The following LIN54 variants were observed in gnomAD, a reference collection of about 807,000 sequenced individuals.
The protein encoded by LIN54 is protein lin-54 homolog.
In LIN54, 9 loss-of-function variants were observed where a neutral mutation model predicts 78.7. The observed-to-expected ratio is 0.11, with a 90% confidence interval of 0.07 to 0.20. The LOEUF (loss-of-function observed/expected upper bound fraction) is 0.20. Among genes scored for constraint, LIN54 ranks in the 10% least tolerant of loss-of-function variants. The pLI, the probability that LIN54 is intolerant of heterozygous loss-of-function variation, is 1.00. For missense variants in LIN54, 573 were observed against 889.9 expected (o/e 0.64, Z 4.53); for synonymous variants, 269 against 318.4 (o/e 0.84, Z 1.65).
chr4:82,996,397 C>T (rs1728221232), intron 1 of LIN54, among the ~76,000 whole-genome samples: 1 of 151,904 alleles, frequency 6.6e-6, no homozygotes, highest in Admixed American at 6.6e-5. Flanking sequence ...TTCCCCTATG[C>T]TTCCAATATT....
chr4:82,926,015 AGATT>A lies in LIN54; in HGVS notation c.*2083_*2086del, dbSNP rs1721440191. 6.6e-6 allele frequency: 1 copy of A among 152,640 alleles called. No individual in the cohort carries two copies. The allele number at this position is 152,640 out of a possible 1,614,324, so 9.5% of individuals were successfully genotyped here. On this transcript the variant is annotated 3_prime_UTR_variant, in exon 13 of 13. Coordinates refer to ENST00000340417, the MANE Select transcript of LIN54 (RefSeq NM_194282.4). ...AAAAGGCTTAATATTTTAGATAGAT[AGATT>A]TTTGAAAATCAGAAAAACTAGTAGC... is the stretch of plus-strand genomic sequence containing the variant.
At position 82,935,899 on chromosome 4, in the gene LIN54, C is replaced by A; in HGVS notation, c.1845+82G>T. On this transcript the variant is annotated intron_variant, in intron 11 of 12. Coordinates refer to ENST00000340417, the MANE Select transcript of LIN54 (RefSeq NM_194282.4). Reference sequence around the variant, plus strand: ...CAAATTGCAATAGCAAGGTGATTTCCCAATTTTCAAGTAAATTTTTGTAGT... The same window carrying A: ...CAAATTGCAATAGCAAGGTGATTTCACAATTTTCAAGTAAATTTTTGTAGT... 3 of 1,384,084 alleles carry A rather than the reference C, an allele frequency of 2.2e-6. No individual in the cohort carries two copies. The Middle Eastern group carries it at 5.4e-4, about 251-fold the overall frequency. 85.7% of individuals were successfully genotyped at this position (1,384,084 alleles called of 1,614,324 possible).
At chr4:82,934,779 G>A (rs754762948) in intron 11 of LIN54, among the ~76,000 whole-genome samples, 34 of 152,116 alleles carry the variant, frequency 2.2e-4, no homozygotes, top group Non-Finnish European at 4.3e-4. Flanking sequence ...TATGAGAAGA[G>A]CCAAGAAGAG....
chr4:82,929,328 A>T (rs927652284), intron 12 of LIN54, among the ~76,000 whole-genome samples: 8 of 152,126 alleles, frequency 5.3e-5, no homozygotes, highest in African/African-American at 1.9e-4. Flanking sequence ...TCCCAATTTT[A>T]AAAATTAATT....
At chr4:83,012,340 G>A (rs112267965), upstream of LIN54, among the ~76,000 whole-genome samples, 28 of 152,180 alleles carry the variant, frequency 1.8e-4, no homozygotes, top group African/African-American at 6.0e-4. Flanking sequence ...TGTACAAAGG[G>A]GCATAGGAAG....
upstream of LIN54, chr4:83,012,041 A>G: frequency 2.0e-6 from 2 of 985,392 alleles, no homozygotes; most frequent in Non-Finnish European, 2.4e-6. Flanking sequence ...GCAACTCCAT[A>G]TAAAAGTCGG....
At chr4:82,959,498 A>AAAAAACAAAAAC (rs1400843630) in intron 4 of LIN54, among the ~76,000 whole-genome samples, 1 of 152,202 alleles carries the variant, frequency 6.6e-6, no homozygotes, top group Middle Eastern at 3.2e-3. Context: ...CAATCTTGGA[A>AAAAAACAAAAAC]AAAAACAAAA....
rs1578464005 is a variant in LIN54 at position 82,924,689 on chromosome 4, C to G, written c.*3413G>C. The G allele has an allele frequency of 6.6e-6, 1 of 152,056 alleles. No homozygotes were observed. The highest frequency in any genetic ancestry group is 1.9e-4 in the East Asian group (1 of 5,178). 9.4% of individuals were successfully genotyped at this position (152,056 alleles called of 1,614,324 possible). A position where few individuals can be genotyped will look rare whatever the true frequency, so the allele number is the denominator to read the frequency against. ...CACATGGATTAAAAAAAAAAGCTCA[C>G]CTTTGGTATACAGATAATGACAAAA... On this transcript the variant is annotated 3_prime_UTR_variant, in exon 13 of 13. Coordinates refer to ENST00000340417, the MANE Select transcript of LIN54 (RefSeq NM_194282.4).
intron 4 of LIN54, among the ~76,000 whole-genome samples, chr4:82,947,229 A>ATTTTTTTTT (rs1263368630): frequency 2.9e-4 from 6 of 20,662 alleles, no homozygotes; most frequent in East Asian, 1.7e-3. Context: ...ATATATATAT[A>ATTTTTTTTT]TATATATTTT....
At chr4:82,982,540 T>C (rs1418603327) in intron 2 of LIN54, among the ~76,000 whole-genome samples, 2 of 152,206 alleles carry the variant, frequency 1.3e-5, no homozygotes, top group African/African-American at 4.8e-5. Context: ...CATCAGTTTC[T>C]TTTGAACATA....
Position 82,990,499 on chromosome 4 carries a change from T to C in LIN54, c.-32-5623A>G, listed in dbSNP as rs1411823840. ...GGTAACACAAATCTTTTTTTTTTTT[T>C]CTGAGACAGAGTCTCACTCGGTCGC... On this transcript the variant is annotated intron_variant, in intron 1 of 12. Coordinates refer to ENST00000340417, the MANE Select transcript of LIN54 (RefSeq NM_194282.4). 3.9e-5 allele frequency among the ~76,000 whole-genome samples: 6 copies of C among 152,146 alleles called. No homozygotes were observed. The East Asian group carries it at 9.7e-4, about 24-fold the overall frequency.
intron 1 of LIN54, among the ~76,000 whole-genome samples, chr4:82,991,540 CTA>C (rs1325986719): frequency 1.3e-5 from 2 of 152,110 alleles, no homozygotes; most frequent in African/African-American, 2.4e-5. Flanking sequence ...ACTACACTTG[CTA>C]GGACCTCCAG....
At chr4:82,962,060 A>G (rs1724846052) in intron 4 of LIN54, among the ~76,000 whole-genome samples, 1 of 152,156 alleles carries the variant, frequency 6.6e-6, no homozygotes, top group Admixed American at 6.6e-5. Context: ...ACTTTTACGA[A>G]TGGGAAAGAA....
At position 82,926,246 on chromosome 4, in the gene LIN54, A is replaced by G. The variant is rs2126021717; in HGVS notation, c.*1856T>C. ...AAGTTTAGACCAAAAACTTATTGCA[A>G]TCTTTTGAAAAATAACTTGATTATT... is the stretch of plus-strand genomic sequence containing the variant. On this transcript the variant is annotated 3_prime_UTR_variant, in exon 13 of 13. Transcript: ENST00000340417. 1 of 152,670 alleles carries G rather than the reference A, an allele frequency of 6.6e-6. No individual in the cohort carries two copies. The highest frequency in any genetic ancestry group is 2.1e-4 in the South Asian group (1 of 4,822). 9.5% of individuals were successfully genotyped at this position (152,670 alleles called of 1,614,324 possible). A position where few individuals can be genotyped will look rare whatever the true frequency, so the allele number is the denominator to read the frequency against.
At position 82,924,813 on chromosome 4, in the gene LIN54, T is replaced by C. The variant is rs1721340353; in HGVS notation, c.*3289A>G. 3 of 152,502 alleles carry C rather than the reference T, an allele frequency of 2.0e-5. No homozygotes were observed. The allele number at this position is 152,502 out of a possible 1,614,324, so 9.4% of individuals were successfully genotyped here. On this transcript the variant is annotated 3_prime_UTR_variant, in exon 13 of 13. Coordinates refer to ENST00000340417, the MANE Select transcript of LIN54 (RefSeq NM_194282.4). Reference sequence around the variant, plus strand: ...ATTTTTAGTTGATTGCCTTCCCTTCTGCTTTGGGTAGCCACACCAGAATTC... The same window carrying C: ...ATTTTTAGTTGATTGCCTTCCCTTCCGCTTTGGGTAGCCACACCAGAATTC...
chr4:83,002,563 G>C (rs1287475794), intron 1 of LIN54, among the ~76,000 whole-genome samples: 2 of 152,000 alleles, frequency 1.3e-5, no homozygotes, highest in African/African-American at 4.8e-5. Flanking sequence ...CACCTCTCCT[G>C]TCTCCTCATC....
chr4:82,967,951 G>A (rs1049878394), intron 4 of LIN54, among the ~76,000 whole-genome samples: 2 of 152,106 alleles, frequency 1.3e-5, no homozygotes, highest in African/African-American at 4.8e-5. Flanking sequence ...TCACCTGAAC[G>A]ATAGATAAGC....
In LIN54 at chr4:82,997,307, A is replaced by G. The variant is rs576012052; in HGVS notation, c.-32-12431T>C. ...TTAAATAAAATAAACCCATATTGTCATAAGGTACACTAACAAACTGAGAAA... is the reference window on the plus strand; with the variant it reads ...TTAAATAAAATAAACCCATATTGTCGTAAGGTACACTAACAAACTGAGAAA... On this transcript the variant is annotated intron_variant, in intron 1 of 12. Coordinates refer to ENST00000340417, the MANE Select transcript of LIN54 (RefSeq NM_194282.4). 1.4e-4 allele frequency among the ~76,000 whole-genome samples: 22 copies of G among 152,264 alleles called. No homozygotes were observed. The South Asian group carries it at 2.3e-3, about 16-fold the overall frequency.
At position 82,925,287 on chromosome 4, in the gene LIN54, A is replaced by G. The variant is rs954776670; in HGVS notation, c.*2815T>C. 4 of 152,190 alleles carry G rather than the reference A, an allele frequency of 2.6e-5. No individual in the cohort carries two copies. The highest frequency in any genetic ancestry group is 2.4e-5 in the African/African-American group (1 of 41,436). The allele number at this position is 152,190 out of a possible 1,614,324, so 9.4% of individuals were successfully genotyped here. On this transcript the variant is annotated 3_prime_UTR_variant, in exon 13 of 13. Transcript: ENST00000340417. ...TGCAGTGGTGTAATTTTGACTCACT[A>G]CAGCCTCAACCTCTGCAGGCTCAGG...
Sources: gnomAD v4.1 joint callset for allele counts (sites outside exome capture counted in the v4.1 genomes callset) on GRCh38, gnomAD v4.1.1 for gene constraint, MANE v1.5 for transcripts, NCBI Gene and HGNC (gene_info 2026-07-23, HGNC 2026-07-21) for gene names.